SMC1B: variants seen among roughly 807,000 people sequenced by gnomAD.
SMC1B encodes the protein structural maintenance of chromosomes 1B.
A neutral mutation model predicts 157.9 loss-of-function variants in SMC1B; 60 were observed. That is an observed-to-expected ratio of 0.38 (90% confidence interval 0.31 to 0.47). SMC1B has a LOEUF of 0.47. Ranked by LOEUF, SMC1B falls within the 20% of genes least tolerant of loss-of-function variation. SMC1B has a pLI of 0.99. For missense variants in SMC1B, 1,165 were observed against 1,426.2 expected, an observed-to-expected ratio of 0.82 and a Z score of 2.95; for synonymous variants, 445 against 483.0, an observed-to-expected ratio of 0.92 and a Z score of 1.03.
At chr22:45,346,902 G>A (rs897378513) in intron 23 of SMC1B, among the ~76,000 whole-genome samples, 2 of 152,138 alleles carry the variant, frequency 1.3e-5, no homozygotes, top group Non-Finnish European at 2.9e-5. Context: ...ATCTCAAAAG[G>A]GATAATGCAA....
At chr22:45,389,943 G>T in intron 9 of SMC1B, 46 bp from the exon 10 acceptor site, 1 of 1,446,008 alleles carries the variant, frequency 6.9e-7, no homozygotes, top group Non-Finnish European at 9.6e-7. Flanking sequence ...ATATTAGAGT[G>T]AAATATATAA....
At chr22:45,410,903 G>T (rs555942136) in intron 1 of SMC1B, among the ~76,000 whole-genome samples, 1 of 152,020 alleles carries the variant, frequency 6.6e-6, no homozygotes, top group Non-Finnish European at 1.5e-5. Flanking sequence ...CGGCTTTTTT[G>T]GGTTAATGGA....
chr22:45,411,455 T>C (rs1467197623), intron 1 of SMC1B, among the ~76,000 whole-genome samples: 1 of 151,948 alleles, frequency 6.6e-6, no homozygotes, highest in African/African-American at 2.4e-5. Context: ...TAACAGGGAG[T>C]GATTGCTAAT....
chr22:45,400,279 G>A (rs538242364), intron 5 of SMC1B, among the ~76,000 whole-genome samples: 2 of 152,142 alleles, frequency 1.3e-5, no homozygotes, highest in East Asian at 3.9e-4. Flanking sequence ...GCAAGCTGAT[G>A]CTTGGACTGG....
chr22:45,353,920 ACAAC>A (rs1477746805), intron 21 of SMC1B, 54 bp downstream of exon 21: 2 of 810,944 alleles, frequency 2.5e-6, no homozygotes, highest in Non-Finnish European at 3.7e-6. Flanking sequence ...AAAAAAAAAA[ACAAC>A]CACCACCGGT....
At chr22:45,375,217 T>C (rs2086873019) in intron 12 of SMC1B, among the ~76,000 whole-genome samples, 1 of 152,196 alleles carries the variant, frequency 6.6e-6, no homozygotes, top group African/African-American at 2.4e-5. Flanking sequence ...GTCTCTTATC[T>C]ACCTATGACC....
At chr22:45,404,868 C>T (rs2087240425) in intron 4 of SMC1B, among the ~76,000 whole-genome samples, 4 of 152,196 alleles carry the variant, frequency 2.6e-5, no homozygotes, top group Admixed American at 2.6e-4. Context: ...TCATATTTGG[C>T]ACAGAATAAA....
Position 45,360,502 on chromosome 22 carries a change from T to C in SMC1B, c.2709-544A>G, listed in dbSNP as rs145869104. 7.6e-4 allele frequency among the ~76,000 whole-genome samples: 115 copies of C among 152,114 alleles called. 1 individual carries two copies. The East Asian group carries it at 0.014, about 18-fold the overall frequency. On this transcript the variant is annotated intron_variant, in intron 17 of 24. Transcript: ENST00000357450. ...GTAAGAACTATGTGTTTTTCAAGAA[T>C]ATGAAGGGAAAAAGAAAGTATTCTG...
chr22:45,344,606 G>T lies in SMC1B; in HGVS notation c.3658C>A (p.Pro1220Thr). 1 of 1,614,142 alleles carries T rather than the reference G, an allele frequency of 6.2e-7. No individual in the cohort carries two copies. Among genetic ancestry groups the T allele is most frequent in the Non-Finnish European group, 8.5e-7 (1 of 1,179,990 alleles). The change falls in exon 25 of 25, where the codon CCA becomes ACA. Residue 1220 changes from proline (P) to threonine (T), a missense_variant. Transcript: ENST00000357450. Reference sequence around the variant, plus strand: ...CTGCTTTCTTGGCCTTCAGTGTCTGGATACTGAGAAAGATCTAGGGTCAAA... The same window carrying T: ...CTGCTTTCTTGGCCTTCAGTGTCTGTATACTGAGAAAGATCTAGGGTCAAA... ...RVLTLDLSQY[P>T]DTEGQESSKR...
chr22:45,357,261 G>A (rs1157468622), intron 19 of SMC1B, among the ~76,000 whole-genome samples: 1 of 152,240 alleles, frequency 6.6e-6, no homozygotes, highest in Admixed American at 6.5e-5. Context: ...GTGGCATTCA[G>A]GAGAGAAGCA....
At chr22:45,370,890 G>C (rs1204342407) in intron 14 of SMC1B, among the ~76,000 whole-genome samples, 1 of 152,210 alleles carries the variant, frequency 6.6e-6, no homozygotes, top group Admixed American at 6.5e-5. Flanking sequence ...AGGAAGTAAC[G>C]TAAGTGTGGT....
chr22:45,351,412 G>A (rs1359509996), intron 22 of SMC1B, among the ~76,000 whole-genome samples: 1 of 152,086 alleles, frequency 6.6e-6, no homozygotes, highest in Non-Finnish European at 1.5e-5. Flanking sequence ...CAGCTTTTAT[G>A]GTTTTCTCTT....
rs754861739 is a variant in SMC1B at position 45,353,994 on chromosome 22, C to T, written c.3257G>A (p.Arg1086Lys). The change falls in exon 21 of 25, where the codon AGA becomes AAA. Residue 1086 changes from arginine to lysine, a missense_variant. Coordinates refer to ENST00000357450, the MANE Select transcript of SMC1B (RefSeq NM_148674.5). ...SIDQIYKKLCRNNSAQAFLSP... is the reference protein window; with the variant it reads ...SIDQIYKKLCKNNSAQAFLSP... ...GATACATACTTGGGCGCTGTTGTTT[C>T]TGCAGAGCTTCTTGTAGATTTGATC... The T allele has an allele frequency of 6.6e-7, 1 of 1,523,442 alleles. No individual in the cohort carries two copies. Among genetic ancestry groups the T allele is most frequent in the Admixed American group, 1.9e-5 (1 of 51,674 alleles). The allele number at this position is 1,523,442 out of a possible 1,614,324, so 94.4% of individuals were successfully genotyped here.
chr22:45,358,868 C>A, intron 18 of SMC1B, 73 bp from the exon 19 acceptor site: 1 of 921,008 alleles, frequency 1.1e-6, no homozygotes, highest in South Asian at 1.5e-5. Context: ...CATGGCACTC[C>A]AAAAACAATT....
intron 15 of SMC1B, among the ~76,000 whole-genome samples, chr22:45,365,795 G>GA (rs796888201): frequency 2.0e-5 from 3 of 151,264 alleles, no homozygotes; most frequent in Admixed American, 6.6e-5. Context: ...CTATTCACAA[G>GA]AAAAAAATAA....
intron 18 of SMC1B, among the ~76,000 whole-genome samples, chr22:45,359,175 T>C (rs2086697605): frequency 6.6e-6 from 1 of 152,214 alleles, no homozygotes; most frequent in Admixed American, 6.5e-5. Context: ...AACTATGCCA[T>C]TTTAGATAAG....
At chr22:45,413,093 C>A (rs886200295) in intron 1 of SMC1B, among the ~76,000 whole-genome samples, 5 of 151,436 alleles carry the variant, frequency 3.3e-5, no homozygotes, top group African/African-American at 1.2e-4. Context: ...AGATGAAGGG[C>A]GAGGGCCGGA....
chr22:45,368,476 C>T (rs1360717634), intron 15 of SMC1B, among the ~76,000 whole-genome samples: 1 of 149,588 alleles, frequency 6.7e-6, no homozygotes, highest in Non-Finnish European at 1.5e-5. Context: ...ATGTTCCTTT[C>T]ATAAAAAGAT....
At position 45,363,037 on chromosome 22, in the gene SMC1B, A is replaced by G; in HGVS notation, c.2421-11T>C. 1 of 1,551,128 alleles carries G rather than the reference A, an allele frequency of 6.4e-7. No individual in the cohort carries two copies. Among genetic ancestry groups the G allele is most frequent in the Non-Finnish European group, 8.7e-7 (1 of 1,151,750 alleles). On this transcript the variant is annotated splice_polypyrimidine_tract_variant and intron_variant, in intron 15 of 24. Transcript: ENST00000357450. The stretch of plus-strand genomic sequence containing the variant: ...TTTTCAAATTCTAATCTAGTATAAT[A>G]AAGTCAAGCATTACAAGTGTAAACA...
Sources: allele counts gnomAD v4.1 joint callset (sites outside exome capture counted in the v4.1 genomes callset), GRCh38; gene constraint gnomAD v4.1.1; transcripts MANE v1.5; gene names NCBI Gene and HGNC (gene_info 2026-07-23, HGNC 2026-07-21).